PCDHGA2: variants seen among roughly 807,000 people sequenced by gnomAD.
PCDHGA2 encodes the protein protocadherin gamma subfamily A, 2.
Under a neutral mutation model 59.2 loss-of-function variants are expected in PCDHGA2, and 40 were observed. The observed-to-expected ratio is 0.68, with a 90% CI of 0.52 to 0.88. The LOEUF (loss-of-function observed/expected upper bound fraction) is 0.88, where lower values mean the gene tolerates loss of function less well. Ranked by LOEUF, PCDHGA2 falls within the 40% of genes least tolerant of loss-of-function variation. PCDHGA2 has a pLI of 0.00. For missense variants in PCDHGA2, 1,226 were observed against 1,204.0 expected (o/e 1.02, Z -0.27); for synonymous variants, 560 against 526.0 (o/e 1.06, Z -0.89).
At chr5:141,478,670 C>T (rs1413742587) in intron 1 of PCDHGA2, 28 of 1,551,664 alleles carry the variant, frequency 1.8e-5, no homozygotes, top group Non-Finnish European at 2.4e-5. Flanking sequence ...TTCACACTTT[C>T]AACTGGCCCT....
Position 141,489,941 on chromosome 5 carries a change from A to G in PCDHGA2, c.2425-4866A>G. Reference sequence around the variant, plus strand: ...ACCCTTATCTCTGTCATCGTGCTGGACATCAATGATAATGCTCCAACCTTC... The same window carrying G: ...ACCCTTATCTCTGTCATCGTGCTGGGCATCAATGATAATGCTCCAACCTTC... On this transcript the variant is annotated intron_variant, in intron 1 of 3. Transcript: ENST00000394576. The surrounding 1 kb of genome is among the most constrained non-coding windows in gnomAD (Gnocchi z 4.5). 1.2e-6 allele frequency: 2 copies of G among 1,614,228 alleles called. No homozygotes were observed. The highest frequency in any genetic ancestry group is 1.7e-6 in the Non-Finnish European group (2 of 1,180,034).
chr5:141,361,982 T>G (rs756919510), intron 1 of PCDHGA2: 7 of 1,601,420 alleles, frequency 4.4e-6, no homozygotes, highest in Non-Finnish European at 6.0e-6. Context: ...GAGCCCGGGC[T>G]CTTCAGCCTG....
intron 1 of PCDHGA2, among the ~76,000 whole-genome samples, chr5:141,401,300 C>A (rs1169689828): frequency 1.3e-5 from 2 of 152,200 alleles, no homozygotes; most frequent in African/African-American, 4.8e-5. Context: ...CGAGATCACT[C>A]CATTGCATTC....
chr5:141,393,430 C>T, intron 1 of PCDHGA2: 1 of 1,614,040 alleles, frequency 6.2e-7, no homozygotes, highest in Non-Finnish European at 8.5e-7. Context: ...GAGGAAGAGG[C>T]TGCTCACCAC....
At chr5:141,390,163 C>G (rs376391116) in intron 1 of PCDHGA2, 6 of 1,613,992 alleles carry the variant, frequency 3.7e-6, no homozygotes, top group Non-Finnish European at 5.1e-6. Flanking sequence ...ACAGGAAAGA[C>G]GGAGTTTAAT....
At chr5:141,451,334 C>G (rs916812246) in intron 1 of PCDHGA2, among the ~76,000 whole-genome samples, 4 of 152,192 alleles carry the variant, frequency 2.6e-5, no homozygotes, top group Non-Finnish European at 4.4e-5. Context: ...AGGCTATTGT[C>G]TTATCTGAAG....
chr5:141,491,353 T>A lies in PCDHGA2; in HGVS notation c.2425-3454T>A. On this transcript the variant is annotated intron_variant, in intron 1 of 3. Coordinates refer to ENST00000394576, the MANE Select transcript of PCDHGA2 (RefSeq NM_018915.4). This position sits in a 1 kb window ranked among gnomAD's most constrained non-coding sequence, Gnocchi z 6.9. ...GGCTCTAGCGACCGTCAGTCTCTTATCCCTAGTCACCTTCACCTTTCTGTC... is the reference window on the plus strand; with the variant it reads ...GGCTCTAGCGACCGTCAGTCTCTTAACCCTAGTCACCTTCACCTTTCTGTC... The A allele has an allele frequency of 6.2e-7, 1 of 1,614,160 alleles. No homozygotes were observed. Among genetic ancestry groups the A allele is most frequent in the South Asian group, 1.1e-5 (1 of 91,080 alleles).
intron 1 of PCDHGA2, among the ~76,000 whole-genome samples, chr5:141,462,430 T>C (rs1471523013): frequency 2.0e-5 from 3 of 152,230 alleles, no homozygotes; most frequent in African/African-American, 4.8e-5. Flanking sequence ...TTGGTGAGTG[T>C]TGCTTACACA....
chr5:141,372,754 G>A (rs201408759), intron 1 of PCDHGA2: 907 of 1,612,900 alleles, frequency 5.6e-4, no homozygotes, highest in Non-Finnish European at 7.2e-4. Flanking sequence ...GAAGCCTCTT[G>A]GTTTGAAAGT....
chr5:141,345,592 TCGACTA>T (rs1358131056), intron 1 of PCDHGA2: 2 of 1,614,038 alleles, frequency 1.2e-6, no homozygotes, highest in African/African-American at 2.7e-5. Flanking sequence ...CTGAGATCCT[TCGACTA>T]CGAGCAATTT....
intron 1 of PCDHGA2, chr5:141,392,843 C>T (rs77141792): frequency 0.027 from 43,247 of 1,608,962 alleles, 854 homozygotes; most frequent in African/African-American, 0.093. Context: ...GCCCCAGACG[C>T]GGCGAGCTGA....
intron 1 of PCDHGA2, chr5:141,393,380 C>T (rs771237283): frequency 6.2e-7 from 1 of 1,613,988 alleles, no homozygotes; most frequent in South Asian, 1.1e-5. Context: ...ACAATGGAGC[C>T]ATAAACCCAG....
intron 3 of PCDHGA2, among the ~76,000 whole-genome samples, chr5:141,508,649 C>T (rs1303066200): frequency 6.6e-6 from 1 of 152,126 alleles, no homozygotes; most frequent in Non-Finnish European, 1.5e-5. Flanking sequence ...CCGTCAGGCC[C>T]TTCCTGTCAT....
At chr5:141,427,812 G>C (rs1380721111) in intron 1 of PCDHGA2, 1 of 1,524,406 alleles carries the variant, frequency 6.6e-7, no homozygotes, top group Non-Finnish European at 9.0e-7. Flanking sequence ...CGCACAGAGC[G>C]GGGTGGTGGT....
chr5:141,421,043 C>G (rs1201118615), intron 1 of PCDHGA2: 2 of 548,238 alleles, frequency 3.6e-6, no homozygotes, highest in Non-Finnish European at 6.3e-6. Flanking sequence ...CCTCCCTCCC[C>G]CGCCTCTACC....
At chr5:141,382,378 C>T (rs1160680038) in intron 1 of PCDHGA2, among the ~76,000 whole-genome samples, 1 of 152,098 alleles carries the variant, frequency 6.6e-6, no homozygotes, top group Non-Finnish European at 1.5e-5. Flanking sequence ...TTTTTGCCTT[C>T]AATAACTGAT....
intron 1 of PCDHGA2, chr5:141,423,750 TGGG>T: frequency 4.5e-5 from 13 of 287,436 alleles, no homozygotes; most frequent in South Asian, 1.7e-4. Flanking sequence ...GAAAACTGTT[TGGG>T]GGGGGGGTGG....
intron 1 of PCDHGA2, chr5:141,421,488 G>C: frequency 3.1e-6 from 5 of 1,614,100 alleles, no homozygotes; most frequent in Non-Finnish European, 4.2e-6. Flanking sequence ...GCTTGATCAC[G>C]GCAGGCAGGA....
intron 1 of PCDHGA2, among the ~76,000 whole-genome samples, chr5:141,446,381 T>C (rs1225260527): frequency 1.3e-5 from 2 of 152,248 alleles, no homozygotes; most frequent in Non-Finnish European, 2.9e-5. Flanking sequence ...TAAAGAATGA[T>C]AGATTTAAGA....
Sources: allele counts gnomAD v4.1 joint callset (sites outside exome capture counted in the v4.1 genomes callset), GRCh38; gene constraint gnomAD v4.1.1; non-coding constraint Gnocchi (gnomAD v3.1); transcripts MANE v1.5; gene names NCBI Gene and HGNC (gene_info 2026-07-23, HGNC 2026-07-21).